CRYM: variants seen among roughly 807,000 people sequenced by gnomAD.
CRYM encodes crystallin mu.
In CRYM, 18 loss-of-function variants were observed where a neutral mutation model predicts 32.9. The observed-to-expected ratio is 0.55, with a 90% CI of 0.38 to 0.81. The LOEUF is 0.81. CRYM is among the 30% of genes least tolerant of loss of function. CRYM has a pLI of 0.00. For synonymous variants in CRYM, 153 were observed against 152.4 expected, an observed-to-expected ratio of 1.00 and a Z score of -0.03; for missense variants, 337 against 393.5, an observed-to-expected ratio of 0.86 and a Z score of 1.21.
Position 21,277,868 on chromosome 16 carries a change from T to G in CRYM, c.170+214A>C, listed in dbSNP as rs754132189. 3.3e-5 allele frequency among the ~76,000 whole-genome samples: 5 copies of G among 152,158 alleles called. No homozygotes were observed. The highest frequency in any genetic ancestry group is 6.5e-5 in the Admixed American group (1 of 15,278). ...GTTTTCCACCAATCAAATGGTGGTATCAATACCTCCCTAGGTGGAGAGTGT... is the reference window on the plus strand; with the variant it reads ...GTTTTCCACCAATCAAATGGTGGTAGCAATACCTCCCTAGGTGGAGAGTGT... On this transcript the variant is annotated intron_variant, in intron 1 of 7. Coordinates refer to ENST00000572914, the MANE Select transcript of CRYM (RefSeq NM_001376256.1). This position sits in a 1 kb window ranked among gnomAD's most constrained non-coding sequence, Gnocchi z 4.2.
At chr16:21,290,875 T>C (rs1011861197) in intron 1 of CRYM, among the ~76,000 whole-genome samples, 1 of 152,198 alleles carries the variant, frequency 6.6e-6, no homozygotes, top group Non-Finnish European at 1.5e-5. Context: ...TTTCATTGGT[T>C]ATATAAAATA....
chr16:21,278,335 C>G, upstream of CRYM: 1 of 1,498,378 alleles, frequency 6.7e-7, no homozygotes, highest in Non-Finnish European at 9.0e-7. Context: ...GCGCCCGCTG[C>G]TCTGTGGAGC....
chr16:21,258,698 G>T lies in CRYM; in HGVS notation c.*83C>A. ...ACAAAAGGAGAGTTCACTGGGGACT[G>T]GACTCCCTCATTTACTCTAGAAATT... On this transcript the variant is annotated 3_prime_UTR_variant, in exon 8 of 8. Transcript: ENST00000572914. 8.7e-7 allele frequency: 1 copy of T among 1,146,194 alleles called. No individual in the cohort carries two copies. Among genetic ancestry groups the T allele is most frequent in the Non-Finnish European group, 1.3e-6 (1 of 756,028 alleles). The allele number at this position is 1,146,194 out of a possible 1,614,324, so 71.0% of individuals were successfully genotyped here. A position where few individuals can be genotyped will look rare whatever the true frequency, so the allele number is the denominator to read the frequency against.
chr16:21,260,570 G>A (rs1273516103), intron 7 of CRYM, among the ~76,000 whole-genome samples: 1 of 152,146 alleles, frequency 6.6e-6, no homozygotes, highest in Non-Finnish European at 1.5e-5. Flanking sequence ...AAAGTGTTGG[G>A]ATTACAGGCG....
chr16:21,294,433 T>C (rs886530711), intron 1 of CRYM, among the ~76,000 whole-genome samples: 1 of 152,190 alleles, frequency 6.6e-6, no homozygotes, highest in Non-Finnish European at 1.5e-5. Flanking sequence ...TTGCTGCACC[T>C]ATCAACCTAT....
intron 1 of CRYM, among the ~76,000 whole-genome samples, chr16:21,293,598 G>A (rs1387717305): frequency 6.6e-6 from 1 of 152,158 alleles, no homozygotes; most frequent in African/African-American, 2.4e-5. Context: ...TTAGAGAGAA[G>A]CAACTTAGAA....
chr16:21,291,164 CT>C lies in CRYM; in HGVS notation c.-193+11813del, dbSNP rs757867500. Among the ~76,000 whole-genome samples the C allele has an allele frequency of 3.6e-4, 55 of 152,240 alleles. 1 individual carries two copies. Among genetic ancestry groups the C allele is most frequent in the Admixed American group, 1.6e-3 (24 of 15,294 alleles). On this transcript the variant is annotated intron_variant, in intron 1 of 9. Coordinates refer to the CRYM transcript ENST00000219599. Reference sequence around the variant, plus strand: ...TTCATATAAAGCATGCTAACATTATCTTTTTCATTGCAGATTGGAATAATAC... The same window carrying C: ...TTCATATAAAGCATGCTAACATTATCTTTTCATTGCAGATTGGAATAATAC...
chr16:21,290,834 C>G lies in CRYM; in HGVS notation c.-192-11874G>C, dbSNP rs559213680. Among the ~76,000 whole-genome samples, 19 of 152,160 alleles carry G rather than the reference C, an allele frequency of 1.2e-4. No homozygotes were observed. In the East Asian group the frequency reaches 3.7e-3, roughly 29 times the overall value. ...CTTATCCTCTTTCCACTGTTGAGTC[C>G]TAGGCTACATTTCCTATCACATCTT... On this transcript the variant is annotated intron_variant, in intron 1 of 9. Transcript: ENST00000219599.
At position 21,261,538 on chromosome 16, in the gene CRYM, C is replaced by T. The variant is rs543623583; in HGVS notation, c.796-200G>A. On this transcript the variant is annotated intron_variant, in intron 6 of 7. Coordinates refer to ENST00000572914, the MANE Select transcript of CRYM (RefSeq NM_001376256.1). ...CGAAATCCTTTTGGGGTGGCATTTG[C>T]TTTTGTGATACCATAAACACAGAGA... 60 of 607,858 alleles carry T rather than the reference C, an allele frequency of 9.9e-5. No individual in the cohort carries two copies. The South Asian group carries it at 1.2e-3, about 12-fold the overall frequency. 37.7% of individuals were successfully genotyped at this position (607,858 alleles called of 1,614,324 possible).
rs922666440 is a variant in CRYM, at chr16:21,276,764, G to A, written c.324+667C>T. ...CCTATGGACCGTGGACTTAGACTGA[G>A]CAGCTCTGAAGTCCAACCATGCTAA... On this transcript the variant is annotated intron_variant, in intron 2 of 7. Coordinates refer to ENST00000572914, the MANE Select transcript of CRYM (RefSeq NM_001376256.1). Among the ~76,000 whole-genome samples, 9 of 152,220 alleles carry A rather than the reference G, an allele frequency of 5.9e-5. 1 individual carries two copies. The highest frequency in any genetic ancestry group is 6.5e-5 in the Admixed American group (1 of 15,286).
chr16:21,301,241 G>C (rs1295550770), intron 1 of CRYM: 1 of 152,494 alleles, frequency 6.6e-6, no homozygotes, highest in Non-Finnish European at 1.5e-5. Flanking sequence ...TGGCACACGA[G>C]GGAGAGAGAA....
intron 5 of CRYM, 148 bp downstream of exon 5, chr16:21,267,406 T>A: frequency 1.2e-6 from 1 of 867,236 alleles, no homozygotes; most frequent in Non-Finnish European, 1.9e-6. Flanking sequence ...CCAAATATTG[T>A]TTTTTTCAAT....
chr16:21,277,395 G>T lies in CRYM; in HGVS notation c.324+36C>A. 1 of 1,609,252 alleles carries T rather than the reference G, an allele frequency of 6.2e-7. No homozygotes were observed. ...CTTTTGAGCTTCAATCTGGGCCCAG[G>T]GGCCCCATTCCACCCCGGGACAGGA... is the stretch of plus-strand genomic sequence containing the variant. On this transcript the variant is annotated intron_variant, in intron 2 of 7. Coordinates refer to ENST00000572914, the MANE Select transcript of CRYM (RefSeq NM_001376256.1). The surrounding 1 kb of genome is among the most constrained non-coding windows in gnomAD (Gnocchi z 4.2).
rs866182835 is a variant in CRYM at position 21,267,712 on chromosome 16, T to C, written c.515A>G (p.Glu172Gly). ...TGTGTCTGCAAACTTCTCTGCATTTTCTTTGGTGCGGTTCCATATCCTCAC... is the reference window on the plus strand; with the variant it reads ...TGTGTCTGCAAACTTCTCTGCATTTCCTTTGGTGCGGTTCCATATCCTCAC... The part of the protein sequence containing the change: ...KEVRIWNRTK[E>G]NAEKFADTVQ... The change falls in exon 5 of 8, where the codon GAA becomes GGA. Residue 172 changes from glutamate (E) to glycine (G), a missense_variant. Coordinates refer to ENST00000572914, the MANE Select transcript of CRYM (RefSeq NM_001376256.1). 3 of 1,614,238 alleles carry C rather than the reference T, an allele frequency of 1.9e-6. No homozygotes were observed.
chr16:21,294,434 A>G (rs545958167), intron 1 of CRYM, among the ~76,000 whole-genome samples: 46 of 152,252 alleles, frequency 3.0e-4, no homozygotes, highest in Non-Finnish European at 5.6e-4. Context: ...TGCTGCACCT[A>G]TCAACCTATC....
chr16:21,301,594 C>T (rs192148460), intron 1 of CRYM, among the ~76,000 whole-genome samples: 36 of 152,338 alleles, frequency 2.4e-4, no homozygotes, highest in Admixed American at 2.1e-3. Context: ...GGACTACACT[C>T]GTGGGCGCAC....
chr16:21,273,186 T>C (rs1259448230), intron 3 of CRYM, among the ~76,000 whole-genome samples: 1 of 152,154 alleles, frequency 6.6e-6, no homozygotes, highest in Admixed American at 6.5e-5. Context: ...GAAGCTTATG[T>C]GAGACCCAAG....
rs368248927 is a variant in CRYM at position 21,262,295 on chromosome 16, T to C, written c.674-137A>G. ...AAATACCCCCTCATTCCCCAGGCCA[T>C]GCTCTCCCAATCAGTAGGACGAAAT... On this transcript the variant is annotated intron_variant, in intron 5 of 7. Coordinates refer to ENST00000572914, the MANE Select transcript of CRYM (RefSeq NM_001376256.1). 6.7e-6 allele frequency: 7 copies of C among 1,044,956 alleles called. No homozygotes were observed. In the African/African-American group the frequency reaches 7.9e-5, roughly 12 times the overall value. The allele number at this position is 1,044,956 out of a possible 1,614,324, so 64.7% of individuals were successfully genotyped here.
upstream of CRYM, chr16:21,278,373 G>T: frequency 7.6e-7 from 1 of 1,319,322 alleles, no homozygotes; most frequent in South Asian, 1.3e-5. Flanking sequence ...CCAGCCTCCG[G>T]GGGCGGAGCA....
Sources: gnomAD v4.1 joint callset for allele counts (sites outside exome capture counted in the v4.1 genomes callset) on GRCh38, gnomAD v4.1.1 for gene constraint, Gnocchi (gnomAD v3.1) non-coding constraint, MANE v1.5 for transcripts, NCBI Gene and HGNC (gene_info 2026-07-23, HGNC 2026-07-21) for gene names.